The following PRKCH variants were observed in gnomAD, a reference collection of about 807,000 sequenced individuals.
The protein encoded by PRKCH is protein kinase C eta, also known as protein kinase C eta type.
PRKCH carries 28 observed loss-of-function variants against 82.5 expected under a neutral mutation model. The observed-to-expected ratio is 0.34, with a 90% CI of 0.25 to 0.47. The LOEUF (loss-of-function observed/expected upper bound fraction) is 0.47. Among genes scored for constraint, PRKCH ranks in the 20% least tolerant of loss-of-function variants. The probability of loss-of-function intolerance (pLI) is 1.00; values close to 1 mark genes in which losing one functional copy is unlikely to be tolerated. For synonymous variants in PRKCH, 322 were observed against 327.4 expected (o/e 0.98, Z 0.18); for missense variants, 705 against 881.8 (o/e 0.80, Z 2.54).
chr14:61,202,086 T>C (rs1449685673), intron 1 of PRKCH, among the ~76,000 whole-genome samples: 2 of 152,178 alleles, frequency 1.3e-5, no homozygotes, highest in Non-Finnish European at 2.9e-5. Context: ...ATCATATACA[T>C]GTAAGTGGCA....
chr14:61,290,853 C>T (rs1444916949), intron 1 of PRKCH, among the ~76,000 whole-genome samples: 4 of 152,148 alleles, frequency 2.6e-5, no homozygotes, highest in Non-Finnish European at 5.9e-5. Context: ...CTGGCACACA[C>T]AGCATCCGTG....
intron 1 of PRKCH, among the ~76,000 whole-genome samples, chr14:61,264,807 G>C (rs2045082716): frequency 6.6e-6 from 1 of 152,180 alleles, no homozygotes; most frequent in Non-Finnish European, 1.5e-5. Flanking sequence ...TTGGGATAGT[G>C]CTTGGCAGTG....
chr14:61,472,135 G>A (rs1196526624), intron 9 of PRKCH, among the ~76,000 whole-genome samples: 2 of 152,178 alleles, frequency 1.3e-5, no homozygotes, highest in African/African-American at 4.8e-5. Flanking sequence ...GTGAGGGCTG[G>A]CATGCTGCTG....
chr14:61,326,153 T>A (rs1038402812), intron 1 of PRKCH, among the ~76,000 whole-genome samples: 52 of 152,228 alleles, frequency 3.4e-4, no homozygotes, highest in African/African-American at 1.2e-3. Context: ...CGAGTGTTCA[T>A]AGCATCTTTA....
chr14:61,499,865 GGACCACCTATAAGGGGTA>G, intron 10 of PRKCH, among the ~76,000 whole-genome samples: 1 of 138,452 alleles, frequency 7.2e-6, no homozygotes, highest in South Asian at 2.5e-4. Context: ...CACTGGTTCT[GGACCACCTATAAGGGGTA>G]GACTTAAAAA....
chr14:61,463,976 A>C lies in PRKCH; in HGVS notation c.1278+6297A>C, dbSNP rs534925269. Among the ~76,000 whole-genome samples, 32 of 152,360 alleles carry C rather than the reference A, an allele frequency of 2.1e-4. 1 individual carries two copies. Among genetic ancestry groups the C allele is most frequent in the African/African-American group, 5.5e-4 (23 of 41,586 alleles). ...TCTTTGTCCATTCATCCACTGGTGA[A>C]CACTTAGGTTGATTCCATATCTTGG... On this transcript the variant is annotated intron_variant, in intron 9 of 13. Coordinates refer to ENST00000332981, the MANE Select transcript of PRKCH (RefSeq NM_006255.5).
At chr14:61,425,473 A>G (rs7159151) in intron 2 of PRKCH, among the ~76,000 whole-genome samples, 87,514 of 152,080 alleles carry the variant, frequency 0.58, 27,036 homozygotes, top group Non-Finnish European at 0.7. Flanking sequence ...TTTGACTTGC[A>G]TCAACCTGTA....
intron 1 of PRKCH, among the ~76,000 whole-genome samples, chr14:61,190,646 C>G (rs2044400852): frequency 6.6e-6 from 1 of 152,170 alleles, no homozygotes; most frequent in South Asian, 2.1e-4. Context: ...AGCCTGTCTC[C>G]CACCACCCTG....
intron 2 of PRKCH, among the ~76,000 whole-genome samples, chr14:61,411,571 T>C (rs960005548): frequency 6.6e-6 from 1 of 152,174 alleles, no homozygotes; most frequent in Non-Finnish European, 1.5e-5. Flanking sequence ...TCCTGAGAGA[T>C]AGGAAACAAA....
chr14:61,236,140 C>A (rs565374133), intron 1 of PRKCH, among the ~76,000 whole-genome samples: 1 of 152,102 alleles, frequency 6.6e-6, no homozygotes, highest in South Asian at 2.1e-4. Flanking sequence ...AAGGCCGAGG[C>A]GGGCAGATGA....
At chr14:61,543,656 GGC>G (rs1594800855) in intron 12 of PRKCH, 1 of 152,220 alleles carries the variant, frequency 6.6e-6, no homozygotes, top group African/African-American at 2.4e-5. Context: ...GCTGAGGTGA[GGC>G]AACTTTTCAG....
At chr14:61,235,677 C>T (rs1361530463) in intron 1 of PRKCH, among the ~76,000 whole-genome samples, 1 of 152,200 alleles carries the variant, frequency 6.6e-6, no homozygotes, top group East Asian at 1.9e-4. Context: ...TGTTTAAATA[C>T]ACTAACCCTC....
Position 61,277,172 on chromosome 14 carries a change from G to A in PRKCH, c.-19+89504G>A, listed in dbSNP as rs187393315. ...AGCCAAGTTCACATCACAGCACTCC[G>A]GCCTGGGCAACACAGTGAGACTCTG... On this transcript the variant is annotated intron_variant, in intron 1 of 3. Coordinates refer to the PRKCH transcript ENST00000555185. Among the ~76,000 whole-genome samples the A allele has an allele frequency of 3.9e-3, 594 of 152,148 alleles. 6 individuals are homozygous for A. The highest frequency in any genetic ancestry group is 0.02 in the Middle Eastern group (6 of 294).
intron 1 of PRKCH, among the ~76,000 whole-genome samples, chr14:61,200,308 T>G (rs1171877236): frequency 6.6e-6 from 1 of 152,166 alleles, no homozygotes; most frequent in East Asian, 1.9e-4. Flanking sequence ...GACTCTTCAT[T>G]CATTATAATT....
intron 9 of PRKCH, among the ~76,000 whole-genome samples, chr14:61,460,661 G>A (rs571097203): frequency 6.6e-6 from 1 of 152,338 alleles, no homozygotes; most frequent in South Asian, 2.1e-4. Context: ...TTGAAGCCAG[G>A]TGGTCTGACG....
At position 61,539,631 on chromosome 14, in the gene PRKCH, A is replaced by G. The variant is rs79403859; in HGVS notation, c.1762-8112A>G. Among the ~76,000 whole-genome samples the G allele has an allele frequency of 2.8e-3, 423 of 152,360 alleles. 5 individuals carry two copies. The East Asian group carries it at 0.037, about 13-fold the overall frequency. On this transcript the variant is annotated intron_variant, in intron 12 of 13. Coordinates refer to ENST00000332981, the MANE Select transcript of PRKCH (RefSeq NM_006255.5). ...TATTTCACTTTATTTTTAATAAAGA[A>G]AAGCCCATTTCAGACTCAAGGAAAA...
At chr14:61,204,542 C>T (rs1464005240) in intron 1 of PRKCH, among the ~76,000 whole-genome samples, 1 of 152,032 alleles carries the variant, frequency 6.6e-6, no homozygotes, top group Non-Finnish European at 1.5e-5. Flanking sequence ...ATTGCTTGCA[C>T]TCAGGAGTTA....
At chr14:61,219,401 G>A (rs1302270576) in intron 1 of PRKCH, among the ~76,000 whole-genome samples, 1 of 152,168 alleles carries the variant, frequency 6.6e-6, no homozygotes, top group Non-Finnish European at 1.5e-5. Flanking sequence ...TCCTTCCCAC[G>A]GAGGCAAGGG....
At chr14:61,530,619 C>A in intron 12 of PRKCH, 24 bp downstream of exon 12, 2 of 1,565,004 alleles carry the variant, frequency 1.3e-6, no homozygotes, top group Admixed American at 1.8e-5. Flanking sequence ...ACCCAGCTAG[C>A]TTCTGATGTA....
Sources: allele counts gnomAD v4.1 joint callset (sites outside exome capture counted in the v4.1 genomes callset), GRCh38; gene constraint gnomAD v4.1.1; transcripts MANE v1.5; gene names NCBI Gene and HGNC (gene_info 2026-07-23, HGNC 2026-07-21).